The following KIAA1549L variants were observed in gnomAD, a reference collection of about 807,000 sequenced individuals.
The protein encoded by KIAA1549L is KIAA1549 like.
In KIAA1549L, 88 loss-of-function variants were observed where a neutral mutation model predicts 160.7. The observed-to-expected ratio is 0.55, with a 90% CI of 0.46 to 0.65. The LOEUF (loss-of-function observed/expected upper bound fraction) is 0.65, where lower values mean the gene tolerates loss of function less well. Among genes scored for constraint, KIAA1549L ranks in the 30% least tolerant of loss-of-function variants. KIAA1549L has a pLI of 0.00. For missense variants in KIAA1549L, 2,258 were observed against 2,437.5 expected, an observed-to-expected ratio of 0.93 and a Z score of 1.55; for synonymous variants, 950 against 976.7, an observed-to-expected ratio of 0.97 and a Z score of 0.51.
In KIAA1549L at chr11:33,435,802, ATATATATATGTGTG is replaced by A. The variant is rs1269865356; in HGVS notation, c.238+58915_238+58928del. Among the ~76,000 whole-genome samples the A allele has an allele frequency of 5.5e-3, 91 of 16,476 alleles. 15 individuals carry two copies. The highest frequency in any genetic ancestry group is 0.028 in the African/African-American group (71 of 2,542). The allele number at this position is 16,476 out of a possible 152,430, so 10.8% of individuals were successfully genotyped here. A position where few individuals can be genotyped will look rare whatever the true frequency, so the allele number is the denominator to read the frequency against. On this transcript the variant is annotated intron_variant, in intron 1 of 20. Coordinates refer to ENST00000658780, the MANE Select transcript of KIAA1549L (RefSeq NM_012194.3). ...TATATATATATATATATATATATAT[ATATATATATGTGTG>A]TGTATATATATATATGTATATGTAT...
intron 1 of KIAA1549L, among the ~76,000 whole-genome samples, chr11:33,516,582 A>G (rs1853348144): frequency 6.6e-6 from 1 of 152,218 alleles, no homozygotes; most frequent in Non-Finnish European, 1.5e-5. Context: ...TATCTTCCTT[A>G]CAGGGATGGA....
At chr11:33,535,870 T>C (rs1853882612) in intron 1 of KIAA1549L, among the ~76,000 whole-genome samples, 1 of 152,152 alleles carries the variant, frequency 6.6e-6, no homozygotes, top group Non-Finnish European at 1.5e-5. Flanking sequence ...TTTTGCCCTA[T>C]TTCTCCTAAT....
At chr11:33,571,727 G>A (rs763540145) in intron 9 of KIAA1549L, among the ~76,000 whole-genome samples, 36 of 152,062 alleles carry the variant, frequency 2.4e-4, no homozygotes, top group African/African-American at 7.2e-4. Context: ...ACCTCCCACC[G>A]GGACCCACCT....
intron 1 of KIAA1549L, among the ~76,000 whole-genome samples, chr11:33,447,800 T>G (rs1851645738): frequency 6.6e-6 from 1 of 152,182 alleles, no homozygotes; most frequent in Non-Finnish European, 1.5e-5. Flanking sequence ...CCTTAGTACC[T>G]AGACTAATGC....
At chr11:33,480,114 G>A (rs1222817193) in intron 1 of KIAA1549L, among the ~76,000 whole-genome samples, 1 of 152,044 alleles carries the variant, frequency 6.6e-6, no homozygotes, top group Non-Finnish European at 1.5e-5. Context: ...ATACAATACA[G>A]CTCACCCGTT....
At chr11:33,514,991 C>T (rs1193473383) in intron 1 of KIAA1549L, among the ~76,000 whole-genome samples, 2 of 152,158 alleles carry the variant, frequency 1.3e-5, no homozygotes, top group African/African-American at 4.8e-5. Flanking sequence ...TTTGAGTGTT[C>T]TGAGAATATT....
chr11:33,435,816 G>GTGTGTGTATATATATATATATA (rs1554976827), intron 1 of KIAA1549L, among the ~76,000 whole-genome samples: 10 of 39,558 alleles, frequency 2.5e-4, no homozygotes, highest in East Asian at 1.0e-3. Flanking sequence ...ATATATGTGT[G>GTGTGTGTATATATATATATATA]TGTATATATA....
chr11:33,399,124 TG>T (rs1850446902), intron 1 of KIAA1549L, among the ~76,000 whole-genome samples: 1 of 152,122 alleles, frequency 6.6e-6, no homozygotes, highest in Non-Finnish European at 1.5e-5. Flanking sequence ...GGCTAATTTT[TG>T]TATTTTTAGT....
rs144657806 is a variant in KIAA1549L, at chr11:33,530,132, C to T, written c.239-11670C>T. Among the ~76,000 whole-genome samples the T allele has an allele frequency of 8.3e-3, 1,266 of 151,702 alleles. 22 individuals carry two copies. The highest frequency in any genetic ancestry group is 0.029 in the African/African-American group (1,218 of 41,304). On this transcript the variant is annotated intron_variant, in intron 1 of 20. Coordinates refer to ENST00000658780, the MANE Select transcript of KIAA1549L (RefSeq NM_012194.3). The stretch of plus-strand genomic sequence containing the variant: ...CCTTGGGGCCGGGCGCGGTGGCTCA[C>T]GCCTGTAATTCCAGCACTTTGGGAG...
At chr11:33,587,223 T>C (rs1849910615) in intron 11 of KIAA1549L, among the ~76,000 whole-genome samples, 1 of 152,242 alleles carries the variant, frequency 6.6e-6, no homozygotes, top group African/African-American at 2.4e-5. Flanking sequence ...GTATCCGCCA[T>C]TGAAATTACT....
Position 33,542,608 on chromosome 11 carries a change from G to C in KIAA1549L, c.1045G>C (p.Ala349Pro), listed in dbSNP as rs1000449684. 6.2e-7 allele frequency: 1 copy of C among 1,613,876 alleles called. No individual in the cohort carries two copies. Among genetic ancestry groups the C allele is most frequent in the African/African-American group, 1.3e-5 (1 of 75,004 alleles). The change falls in exon 2 of 21, where the codon GCA (alanine) becomes CCA (proline). Residue 349 changes from alanine to proline, a missense_variant. Physicochemically the swap from Ala to Pro is conservative, Grantham distance 27. Coordinates refer to ENST00000658780, the MANE Select transcript of KIAA1549L (RefSeq NM_012194.3). ...SSTPGFLSPM[A>P]ELSHPSPPPP... ...CACACCTGGGTTTTTGAGCCCCATG[G>C]CAGAACTGTCCCATCCGTCTCCCCC...
At chr11:33,428,436 A>G (rs1033471929) in intron 1 of KIAA1549L, among the ~76,000 whole-genome samples, 5 of 151,926 alleles carry the variant, frequency 3.3e-5, no homozygotes, top group African/African-American at 9.7e-5. Context: ...ATTTCTCCCA[A>G]TGCTCTCCCT....
intron 1 of KIAA1549L, among the ~76,000 whole-genome samples, chr11:33,444,286 GATTA>G (rs1466925659): frequency 6.6e-6 from 1 of 151,780 alleles, no homozygotes; most frequent in Non-Finnish European, 1.5e-5. Flanking sequence ...TTAGAAGACT[GATTA>G]ATTATGTTAT....
chr11:33,558,466 C>A (rs892148275), intron 6 of KIAA1549L, among the ~76,000 whole-genome samples: 2 of 152,112 alleles, frequency 1.3e-5, no homozygotes, highest in Admixed American at 6.5e-5. Context: ...GGCAGTGGAG[C>A]CCACTGGGGT....
intron 1 of KIAA1549L, among the ~76,000 whole-genome samples, chr11:33,498,408 T>C (rs919167979): frequency 1.3e-5 from 2 of 152,196 alleles, no homozygotes; most frequent in Non-Finnish European, 2.9e-5. Context: ...CTTTATGCCC[T>C]TTTGATGTAT....
chr11:33,574,981 T>C, intron 10 of KIAA1549L, 108 bp downstream of exon 10: 1 of 955,542 alleles, frequency 1.0e-6, no homozygotes, highest in East Asian at 2.4e-5. Context: ...TAAACATATT[T>C]GTATTCTGGA....
chr11:33,613,052 G>C (rs551744268), intron 15 of KIAA1549L, among the ~76,000 whole-genome samples: 160 of 152,250 alleles, frequency 1.1e-3, no homozygotes, highest in African/African-American at 3.6e-3. Flanking sequence ...TGTGAACAGT[G>C]CAGCAGTGAA....
At chr11:33,544,392 T>G in intron 2 of KIAA1549L, 56 bp downstream of exon 2, 1 of 1,554,656 alleles carries the variant, frequency 6.4e-7, no homozygotes, top group African/African-American at 1.4e-5. Flanking sequence ...CAGGCATGAC[T>G]GCTTTTGTGG....
chr11:33,439,110 G>A (rs1234464236), intron 1 of KIAA1549L, among the ~76,000 whole-genome samples: 1 of 152,008 alleles, frequency 6.6e-6, no homozygotes, highest in East Asian at 1.9e-4. Flanking sequence ...TGTATTTTTA[G>A]TGGAGATGGG....
Sources: gnomAD v4.1 joint callset for allele counts (sites outside exome capture counted in the v4.1 genomes callset) on GRCh38, gnomAD v4.1.1 for gene constraint, MANE v1.5 for transcripts, NCBI Gene and HGNC (gene_info 2026-07-23, HGNC 2026-07-21) for gene names.